The following SPEF2 variants were observed in gnomAD, a reference collection of about 807,000 sequenced individuals.
SPEF2 encodes sperm flagellar and cilia associated 2.
Under a neutral mutation model 224.6 loss-of-function variants are expected in SPEF2, and 187 were observed. The ratio of observed to expected loss-of-function variants is 0.83; its 90% CI spans 0.74 to 0.94. SPEF2 has a LOEUF of 0.94. SPEF2 is among the 40% of genes least tolerant of loss of function. The pLI, the probability that SPEF2 is intolerant of heterozygous loss-of-function variation, is 0.00. For synonymous variants in SPEF2, 715 were observed against 707.3 expected (o/e 1.01, Z -0.17); for missense variants, 2,170 against 2,135.6 (o/e 1.02, Z -0.32).
Position 35,667,057 on chromosome 5 carries a change from T to C in SPEF2, c.1168-15T>C, listed in dbSNP as rs753187527. 3.8e-6 allele frequency: 6 copies of C among 1,585,448 alleles called. No homozygotes were observed. The highest frequency in any genetic ancestry group is 5.1e-6 in the Non-Finnish European group (6 of 1,171,258). On this transcript the variant is annotated splice_polypyrimidine_tract_variant and intron_variant, in intron 8 of 36. Transcript: ENST00000356031. ...TCAATTATAGTGACTTAAAAATATGTTTTTGCCTTTTTAGGCTTTGGCAAA... is the reference window on the plus strand; with the variant it reads ...TCAATTATAGTGACTTAAAAATATGCTTTTGCCTTTTTAGGCTTTGGCAAA...
intron 7 of SPEF2, among the ~76,000 whole-genome samples, chr5:35,656,680 T>C (rs1357116804): frequency 6.6e-6 from 1 of 152,230 alleles, no homozygotes; most frequent in Non-Finnish European, 1.5e-5. Context: ...AAATGAATTC[T>C]TTCTAGATTT....
At chr5:35,716,975 A>G (rs1458601070) in intron 20 of SPEF2, among the ~76,000 whole-genome samples, 4 of 152,136 alleles carry the variant, frequency 2.6e-5, no homozygotes, top group Non-Finnish European at 5.9e-5. Context: ...GATGCCATTA[A>G]CAATGGTACT....
At chr5:35,784,577 T>A (rs1044081945) in intron 30 of SPEF2, among the ~76,000 whole-genome samples, 5 of 152,166 alleles carry the variant, frequency 3.3e-5, no homozygotes, top group Non-Finnish European at 4.4e-5. Context: ...TGAGTCAGCA[T>A]GAGGGTTAGC....
chr5:35,736,583 C>A (rs1746641499), intron 21 of SPEF2, among the ~76,000 whole-genome samples: 1 of 152,164 alleles, frequency 6.6e-6, no homozygotes, highest in East Asian at 1.9e-4. Flanking sequence ...GGGGAAACCC[C>A]ACCTTATGCT....
At position 35,769,965 on chromosome 5, in the gene SPEF2, C is replaced by G. The variant is rs143593308; in HGVS notation, c.3802-1644C>G. ...TTTATTGAGATTTTAGAGTTTTAAA[C>G]CCTGTGTTGCTACTGCCTCCATAAT... On this transcript the variant is annotated intron_variant, in intron 26 of 36. Coordinates refer to ENST00000356031, the MANE Select transcript of SPEF2 (RefSeq NM_024867.4). Among the ~76,000 whole-genome samples, 187 of 150,426 alleles carry G rather than the reference C, an allele frequency of 1.2e-3. 2 individuals carry two copies. The East Asian group carries it at 0.025, about 20-fold the overall frequency.
chr5:35,766,863 T>C (rs1189590935), intron 26 of SPEF2, among the ~76,000 whole-genome samples: 1 of 151,862 alleles, frequency 6.6e-6, no homozygotes, highest in Non-Finnish European at 1.5e-5. Context: ...ATTTTAGAAA[T>C]ATATTTTTAA....
rs1192270135 is a variant in SPEF2 at position 35,670,105 on chromosome 5, A to G, written c.1402A>G (p.Asn468Asp). 3 of 1,610,198 alleles carry G rather than the reference A, an allele frequency of 1.9e-6. No homozygotes were observed. Among genetic ancestry groups the G allele is most frequent in the Non-Finnish European group, 2.5e-6 (3 of 1,178,284 alleles). The change falls in exon 10 of 37, where the codon AAT becomes GAT. Residue 468 changes from asparagine (N) to aspartate (D), a missense_variant. Coordinates refer to ENST00000356031, the MANE Select transcript of SPEF2 (RefSeq NM_024867.4). ...LMHDWKELFF[N>D]AKPIYEQASV... The stretch of plus-strand genomic sequence containing the variant: ...GCATGATTGGAAGGAACTATTTTTT[A>G]ATGCAAAACCCATATATGAACAAGC...
At position 35,695,803 on chromosome 5, in the gene SPEF2, A is replaced by G. The variant is rs752481078; in HGVS notation, c.2037+7A>G. On this transcript the variant is annotated splice_region_variant and intron_variant, in intron 14 of 36. Transcript: ENST00000356031. ...AAGTGATAGTTTCTTAAAAGTAAGTATTATGATCTAATTTTAGCTACTAAC... is the reference window on the plus strand; with the variant it reads ...AAGTGATAGTTTCTTAAAAGTAAGTGTTATGATCTAATTTTAGCTACTAAC... 2 of 1,594,704 alleles carry G rather than the reference A, an allele frequency of 1.3e-6. No individual in the cohort carries two copies. The highest frequency in any genetic ancestry group is 2.7e-5 in the African/African-American group (2 of 74,586).
intron 10 of SPEF2, among the ~76,000 whole-genome samples, chr5:35,673,142 A>T (rs1243371716): frequency 2.0e-5 from 3 of 152,192 alleles, no homozygotes; most frequent in Admixed American, 2.0e-4. Context: ...CAACTACCAC[A>T]GCATAACAAC....
At position 35,691,426 on chromosome 5, in the gene SPEF2, A is replaced by T. The variant is rs142602859; in HGVS notation, c.1744+170A>T. Among the ~76,000 whole-genome samples, 257 of 152,352 alleles carry T rather than the reference A, an allele frequency of 1.7e-3. 1 individual carries two copies. Among genetic ancestry groups the T allele is most frequent in the African/African-American group, 6.0e-3 (250 of 41,574 alleles). On this transcript the variant is annotated intron_variant, in intron 11 of 36. Transcript: ENST00000356031. The stretch of plus-strand genomic sequence containing the variant: ...AGGCTACGATTATTCAGCCATAAAA[A>T]TGAGTGAAATATTGATACATGCTAC...
At chr5:35,662,246 G>T (rs1219219933) in intron 8 of SPEF2, among the ~76,000 whole-genome samples, 1 of 151,984 alleles carries the variant, frequency 6.6e-6, no homozygotes, top group African/African-American at 2.4e-5. Context: ...GTCTGTTCAT[G>T]TCATTTGCCC....
intron 21 of SPEF2, among the ~76,000 whole-genome samples, chr5:35,730,360 A>T (rs2149664409): frequency 6.6e-6 from 1 of 152,346 alleles, no homozygotes; most frequent in Non-Finnish European, 1.5e-5. Context: ...ACTCCACGAA[A>T]AGAGGCAGCC....
In SPEF2 at chr5:35,658,833, C is replaced by T. The variant is rs145647121; in HGVS notation, c.979-186C>T. The stretch of plus-strand genomic sequence containing the variant: ...GTTGCAAAGCCATAATGTTTCTAAA[C>T]ACCAACTTTTGTTGGAAATCCTCAT... On this transcript the variant is annotated intron_variant, in intron 7 of 36. Transcript: ENST00000356031. Among the ~76,000 whole-genome samples the T allele has an allele frequency of 2.6e-5, 4 of 152,294 alleles. No homozygotes were observed. In the East Asian group the frequency reaches 7.7e-4, roughly 29 times the overall value.
At position 35,691,102 on chromosome 5, in the gene SPEF2, C is replaced by A; in HGVS notation, c.1590C>A (p.Cys530Ter). 1 of 1,614,052 alleles carries A rather than the reference C, an allele frequency of 6.2e-7. No homozygotes were observed. The highest frequency in any genetic ancestry group is 8.5e-7 in the Non-Finnish European group (1 of 1,179,976). Residue 530 changes from cysteine (C) to a stop codon, truncating the protein, a stop_gained, in exon 11 of 37, where the codon TGC becomes TGA. Coordinates refer to ENST00000356031, the MANE Select transcript of SPEF2 (RefSeq NM_024867.4). LOFTEE classifies it high-confidence loss of function. ...ACAATTTACCACCCTCCAACAATTG[C>A]ATACTGGGCCATATTCTTCACAGGC... is the stretch of plus-strand genomic sequence containing the variant. The part of the protein sequence containing the change: ...MVDNLPPSNN[C>*]ILGHILHRLA...
Position 35,763,514 on chromosome 5 carries a change from T to C in SPEF2, c.3621-8T>C, listed in dbSNP as rs1751639753. 1 of 1,540,266 alleles carries C rather than the reference T, an allele frequency of 6.5e-7. No homozygotes were observed. The highest frequency in any genetic ancestry group is 2.3e-5 in the East Asian group (1 of 43,250). ...TTTTTATCCTTTTTGCTTGTTTGTT[T>C]CTCAAAGAATTCCTCTAGTTCCTCG... is the stretch of plus-strand genomic sequence containing the variant. On this transcript the variant is annotated splice_polypyrimidine_tract_variant and splice_region_variant and intron_variant, in intron 25 of 36. Transcript: ENST00000356031.
rs1165734815 is a variant in SPEF2, at chr5:35,779,129, A to G, written c.4230A>G (p.Leu1410=). The change falls in exon 30 of 37, where the codon TTA becomes TTG. Residue 1410 remains leucine (L), a synonymous_variant. Coordinates refer to ENST00000356031, the MANE Select transcript of SPEF2 (RefSeq NM_024867.4). ...TTACCACTTTCAGTACAGAAAAATT[A>G]ACTGACGTAGCTCGCTATCACATTG... ...YLNEMASTEK[L]TDVARYHIET... 2.5e-6 allele frequency: 4 copies of G among 1,612,090 alleles called. No individual in the cohort carries two copies. The African/African-American group carries it at 5.4e-5, about 22-fold the overall frequency.
At chr5:35,711,820 C>CA (rs1276101670) in intron 19 of SPEF2, among the ~76,000 whole-genome samples, 32 of 151,956 alleles carry the variant, frequency 2.1e-4, no homozygotes, top group Admixed American at 2.0e-4. Flanking sequence ...CTTCTAAATA[C>CA]AAAAAAATAG....
At chr5:35,736,138 G>A (rs917424153) in intron 21 of SPEF2, among the ~76,000 whole-genome samples, 5 of 152,064 alleles carry the variant, frequency 3.3e-5, no homozygotes, top group Admixed American at 6.6e-5. Flanking sequence ...CCAACAATGC[G>A]GTCCATCCTT....
intron 8 of SPEF2, among the ~76,000 whole-genome samples, chr5:35,661,933 T>TA (rs1168843563): frequency 1.3e-5 from 2 of 152,164 alleles, no homozygotes; most frequent in African/African-American, 2.4e-5. Flanking sequence ...TTCCTTTGGG[T>TA]ATAAACCCAG....
Sources: gnomAD v4.1 joint callset for allele counts (sites outside exome capture counted in the v4.1 genomes callset) on GRCh38, gnomAD v4.1.1 for gene constraint, MANE v1.5 for transcripts, NCBI Gene and HGNC (gene_info 2026-07-23, HGNC 2026-07-21) for gene names.